Variants in OR2AT4 observed in about 807,000 individuals in gnomAD.
The protein encoded by OR2AT4 is olfactory receptor 2AT4.
Under a neutral mutation model 10.3 loss-of-function variants are expected in OR2AT4, and 6 were observed. That is an observed-to-expected ratio of 0.58 (90% CI 0.32 to 1.15). The LOEUF (loss-of-function observed/expected upper bound fraction) is 1.15, where lower values mean the gene tolerates loss of function less well. OR2AT4 is among the 50% of genes most tolerant of loss of function. The pLI, the probability that OR2AT4 is intolerant of heterozygous loss-of-function variation, is 0.05. For synonymous variants in OR2AT4, 145 were observed against 159.1 expected, an observed-to-expected ratio of 0.91 and a Z score of 0.67; for missense variants, 354 against 393.8, an observed-to-expected ratio of 0.90 and a Z score of 0.85.
At chr11:75,088,701 T>G (rs769570597) in exon 2 of OR2AT4, 1 of 1,507,638 alleles carries the variant, frequency 6.6e-7, no homozygotes, top group Non-Finnish European at 8.9e-7. Flanking sequence ...TTCTCTGTGC[T>G]AAGCACTGTT....
intron 1 of OR2AT4, among the ~76,000 whole-genome samples, chr11:75,092,280 C>T (rs1949323721): frequency 6.6e-6 from 1 of 152,172 alleles, no homozygotes; most frequent in Non-Finnish European, 1.5e-5. Context: ...GTAACTAGTA[C>T]AACCACTTCG....
chr11:75,082,846 C>T (rs1008370287), exon 2 of OR2AT4: 6 of 152,028 alleles, frequency 3.9e-5, no homozygotes, highest in Admixed American at 6.6e-5. Flanking sequence ...CTTTGGGAGG[C>T]GGAGGTGGAA....
chr11:75,089,568 A>G, exon 2 of OR2AT4: 1 of 1,614,180 alleles, frequency 6.2e-7, no homozygotes, highest in East Asian at 2.2e-5. Flanking sequence ...CACCAGGATC[A>G]GGGCATTACC....
exon 2 of OR2AT4, chr11:75,082,620 A>G (rs987000997): frequency 1.8e-4 from 27 of 152,180 alleles, no homozygotes; most frequent in African/African-American, 6.3e-4. Flanking sequence ...AAACCTAGGA[A>G]ACACCATTCT....
chr11:75,081,817 A>T (rs1371447724), exon 2 of OR2AT4: 1 of 152,214 alleles, frequency 6.6e-6, no homozygotes, highest in Non-Finnish European at 1.5e-5. Flanking sequence ...AATACACCTA[A>T]CCAAAGAGGT....
chr11:75,090,838 G>A (rs888964633), intron 1 of OR2AT4, among the ~76,000 whole-genome samples: 3 of 148,118 alleles, frequency 2.0e-5, no homozygotes, highest in Admixed American at 2.0e-4. Flanking sequence ...AGAGGAAGAG[G>A]GATTTCCTCA....
At chr11:75,086,913 T>C (rs925273125) in exon 2 of OR2AT4, 1 of 152,218 alleles carries the variant, frequency 6.6e-6, no homozygotes, top group African/African-American at 2.4e-5. Flanking sequence ...ACTGTCTTCA[T>C]AGTTTTGCCT....
exon 2 of OR2AT4, chr11:75,085,550 T>C (rs1483448685): frequency 6.6e-6 from 1 of 152,008 alleles, no homozygotes; most frequent in Non-Finnish European, 1.5e-5. Flanking sequence ...ACAAAGAAAT[T>C]ACAAGAAAAC....
exon 2 of OR2AT4, chr11:75,089,600 G>A: frequency 1.2e-6 from 2 of 1,614,134 alleles, no homozygotes; most frequent in Non-Finnish European, 8.5e-7. Flanking sequence ...GAAGGTAGAA[G>A]AGGAGGAAAA....
exon 2 of OR2AT4, chr11:75,089,277 T>C (rs1949308400): frequency 1.2e-6 from 2 of 1,614,128 alleles, no homozygotes; most frequent in South Asian, 1.1e-5. Flanking sequence ...CAAGGTAGCA[T>C]TGGTCTGTGG....
At chr11:75,094,428 G>C (rs1949336678) in intron 1 of OR2AT4, among the ~76,000 whole-genome samples, 1 of 152,198 alleles carries the variant, frequency 6.6e-6, no homozygotes, top group Admixed American at 6.5e-5. Flanking sequence ...CTGTCAGAGA[G>C]TGAAGGCAGG....
At chr11:75,082,240 A>G (rs1949270049) in exon 2 of OR2AT4, 1 of 152,138 alleles carries the variant, frequency 6.6e-6, no homozygotes, top group Non-Finnish European at 1.5e-5. Context: ...CAGCCATATG[A>G]TCTTCAAAAA....
chr11:75,088,126 C>T (rs920894045), exon 2 of OR2AT4: 2 of 152,234 alleles, frequency 1.3e-5, no homozygotes, highest in East Asian at 1.9e-4. Flanking sequence ...GTGATGAATA[C>T]GTAACCTAAT....
chr11:75,083,090 G>C (rs1307475759), exon 2 of OR2AT4: 1 of 151,404 alleles, frequency 6.6e-6, no homozygotes, highest in East Asian at 1.9e-4. Context: ...AAAGGAGGGT[G>C]GGGGAGGGGT....
exon 2 of OR2AT4, chr11:75,085,132 AC>A (rs530415868): frequency 5.2e-4 from 79 of 152,198 alleles, no homozygotes; most frequent in African/African-American, 1.9e-3. Flanking sequence ...CTATAGCTAA[AC>A]TGACCAAGAA....
chr11:75,088,618 T>C (rs1565513410), exon 2 of OR2AT4: 1 of 865,932 alleles, frequency 1.2e-6, no homozygotes, highest in Non-Finnish European at 1.6e-6. Context: ...AATTACTAAG[T>C]AGTAAAATTT....
intron 1 of OR2AT4, among the ~76,000 whole-genome samples, chr11:75,092,771 C>T (rs112500877): frequency 2.0e-4 from 30 of 150,462 alleles, no homozygotes; most frequent in African/African-American, 7.4e-4. Flanking sequence ...AACCCTGTCT[C>T]TACAAAAAAA....
chr11:75,084,365 C>T (rs969989026), exon 2 of OR2AT4: 1 of 152,098 alleles, frequency 6.6e-6, no homozygotes, highest in Non-Finnish European at 1.5e-5. Context: ...AATTTTCTTA[C>T]AAACTGGTGA....
At position 75,091,635 on chromosome 11, in the gene OR2AT4, T is replaced by C. The variant is rs965789881; in HGVS notation, c.-651-1271A>G. Among the ~76,000 whole-genome samples the C allele has an allele frequency of 2.0e-5, 3 of 151,998 alleles. No homozygotes were observed. In the South Asian group the frequency reaches 6.2e-4, roughly 32 times the overall value. On this transcript the variant is annotated intron_variant, in intron 1 of 1. Transcript: ENST00000641504. ...AAAATTAAGCCCAGAGATAGAAGAG[T>C]ATATCTTCTGTATACTTATTTGATA...
Sources: allele counts gnomAD v4.1 joint callset (sites outside exome capture counted in the v4.1 genomes callset), GRCh38; gene constraint gnomAD v4.1.1; transcripts MANE v1.5; gene names NCBI Gene and HGNC (gene_info 2026-07-23, HGNC 2026-07-21).